Variants in TIGD6 observed in about 807,000 individuals in gnomAD.
The protein encoded by TIGD6 is tigger transposable element-derived protein 6.
TIGD6 carries 1 observed loss-of-function variant against 2.6 expected under a neutral mutation model. The ratio of observed to expected loss-of-function variants is 0.39; its 90% CI spans 0.14 to 1.85. The LOEUF (loss-of-function observed/expected upper bound fraction) is 1.85, where lower values mean the gene tolerates loss of function less well. Among genes scored for constraint, TIGD6 ranks in the 40% most tolerant of loss-of-function variants. The probability of loss-of-function intolerance (pLI) is 0.32; values close to 1 mark genes in which losing one functional copy is unlikely to be tolerated. For synonymous variants in TIGD6, 193 were observed against 221.9 expected, an observed-to-expected ratio of 0.87 and a Z score of 1.16; for missense variants, 601 against 634.2, an observed-to-expected ratio of 0.95 and a Z score of 0.56.
At position 149,994,022 on chromosome 5, in the gene TIGD6, C is replaced by A. The variant is rs983729579; in HGVS notation, c.*761G>T. The A allele has an allele frequency of 3.3e-5, 5 of 152,150 alleles. No individual in the cohort carries two copies. The highest frequency in any genetic ancestry group is 6.5e-5 in the Admixed American group (1 of 15,272). 9.4% of individuals were successfully genotyped at this position (152,150 alleles called of 1,614,324 possible). On this transcript the variant is annotated 3_prime_UTR_variant, in exon 2 of 2. Transcript: ENST00000296736. Reference sequence around the variant, plus strand: ...AGCTCTAGAGTAAGAACAGTTGATTCTTTTTTTAACAATTAGTGATGGGGG... The same window carrying A: ...AGCTCTAGAGTAAGAACAGTTGATTATTTTTTTAACAATTAGTGATGGGGG...
intron 1 of TIGD6, among the ~76,000 whole-genome samples, chr5:149,997,716 T>A (rs1423977958): frequency 1.3e-5 from 2 of 151,682 alleles, no homozygotes; most frequent in Non-Finnish European, 2.9e-5. Context: ...TCCCAGCACT[T>A]TGGGAGGCCG....
At chr5:149,997,703 T>A (rs930176785) in intron 1 of TIGD6, among the ~76,000 whole-genome samples, 3 of 151,870 alleles carry the variant, frequency 2.0e-5, no homozygotes, top group Non-Finnish European at 2.9e-5. Flanking sequence ...CTTACGCCTG[T>A]AATCCCAGCA....
intron 1 of TIGD6, among the ~76,000 whole-genome samples, chr5:149,999,444 CAT>C (rs1032987128): frequency 3.9e-5 from 6 of 152,102 alleles, no homozygotes; most frequent in Non-Finnish European, 8.8e-5. Flanking sequence ...CAGGAGTCCA[CAT>C]GAGATAATGG....
chr5:149,995,837 C>A lies in TIGD6; in HGVS notation c.512G>T (p.Ser171Ile), dbSNP rs1755371523. The A allele has an allele frequency of 6.2e-7, 1 of 1,614,218 alleles. No homozygotes were observed. The highest frequency in any genetic ancestry group is 1.1e-5 in the South Asian group (1 of 91,082). The change falls in exon 2 of 2, where the codon AGC becomes ATC. Residue 171 changes from serine to isoleucine, a missense_variant. By Grantham distance (142) the Ser-to-Ile change is moderately radical. Coordinates refer to ENST00000296736, the MANE Select transcript of TIGD6 (RefSeq NM_030953.4). ...ATCAGCATTAAAGATATCATCTGGG[C>A]TGTAGTCAGCAATCAGTTTTATAAT... Reference protein sequence around the residue: ...GEIIKLIADYSPDDIFNADET... With the variant: ...GEIIKLIADYIPDDIFNADET...
intron 1 of TIGD6, among the ~76,000 whole-genome samples, chr5:149,997,072 A>C (rs538804280): frequency 6.6e-6 from 1 of 152,412 alleles, no homozygotes; most frequent in African/African-American, 2.4e-5. Context: ...AAATATAAAA[A>C]GTAAACAGAT....
rs147509478 is a variant in TIGD6 at position 149,999,647 on chromosome 5, G to A, written c.-82+827C>T. Among the ~76,000 whole-genome samples, 7 of 152,228 alleles carry A rather than the reference G, an allele frequency of 4.6e-5. No individual in the cohort carries two copies. In the East Asian group the frequency reaches 9.7e-4, roughly 21 times the overall value. On this transcript the variant is annotated intron_variant, in intron 1 of 1. Coordinates refer to ENST00000296736, the MANE Select transcript of TIGD6 (RefSeq NM_030953.4). ...TTACTGAGGTGGGAGGATCTACTGC[G>A]TAAACCTCATTTGTTAAGCACTTTA...
chr5:149,999,999 G>C (rs112786852), intron 1 of TIGD6: 3 of 154,756 alleles, frequency 1.9e-5, no homozygotes, highest in African/African-American at 7.2e-5. Context: ...AACTACATCA[G>C]TCCAGGCAGG....
At chr5:150,000,131 A>C (rs996269798) in intron 1 of TIGD6, 1 of 154,514 alleles carries the variant, frequency 6.5e-6, no homozygotes, top group African/African-American at 2.4e-5. Context: ...CTGGAGAGAA[A>C]GGACAATCCA....
At chr5:149,999,282 G>C (rs544403092) in intron 1 of TIGD6, among the ~76,000 whole-genome samples, 2 of 152,168 alleles carry the variant, frequency 1.3e-5, no homozygotes, top group Non-Finnish European at 2.9e-5. Context: ...TTTCCTAAGA[G>C]ATGGCCTTAA....
chr5:149,995,682 T>G lies in TIGD6; in HGVS notation c.667A>C (p.Lys223Gln). Residue 223 changes from lysine to glutamine, a missense_variant, in exon 2 of 2, where the codon AAA becomes CAA. Coordinates refer to ENST00000296736, the MANE Select transcript of TIGD6 (RefSeq NM_030953.4). ...LFCCNASGTE[K>Q]MRPLIVGRSA... ...CTACCAACAATCAATGGTCTCATTTTTTCAGTCCCCGAGGCATTGCAACAA... is the reference window on the plus strand; with the variant it reads ...CTACCAACAATCAATGGTCTCATTTGTTCAGTCCCCGAGGCATTGCAACAA... 1 of 1,614,242 alleles carries G rather than the reference T, an allele frequency of 6.2e-7. No individual in the cohort carries two copies.
Position 149,995,434 on chromosome 5 carries a change from G to A in TIGD6, c.915C>T (p.Ser305=), listed in dbSNP as rs749601890. The A allele has an allele frequency of 6.2e-7, 1 of 1,614,258 alleles. No individual in the cohort carries two copies. Among genetic ancestry groups the A allele is most frequent in the East Asian group, 2.2e-5 (1 of 44,894 alleles). ...GTGGCTGCAGGACAGCAGTACAGTT[G>A]GAGGGCAGATACCCAACCTGAATCC... The part of the protein sequence containing the change: ...LERIQVGYLP[S]NCTAVLQPLN... Residue 305 remains serine (S), a synonymous_variant, in exon 2 of 2, where the codon TCC becomes TCT. Transcript: ENST00000296736.
Position 149,996,231 on chromosome 5 carries a change from T to G in TIGD6, c.118A>C (p.Thr40Pro), listed in dbSNP as rs199840476. ...AAGAATGTAGATAAAGTAGAGGGAG[T>G]GATACCAAATTCTTTTGCCACATCA... ...KGDVAKEFGI[T>P]PSTLSTFLKD... Residue 40 changes from threonine (T) to proline (P), a missense_variant, in exon 2 of 2, where the codon ACT (threonine) becomes CCT (proline). Transcript: ENST00000296736. 66 of 1,614,076 alleles carry G rather than the reference T, an allele frequency of 4.1e-5. No individual in the cohort carries two copies. The Admixed American group carries it at 8.3e-4, about 20-fold the overall frequency.
chr5:149,993,645 C>T lies in TIGD6; in HGVS notation c.*1138G>A, dbSNP rs533476435. The stretch of plus-strand genomic sequence containing the variant: ...CAGTCTGGTCTCAAACTCCTTGCCT[C>T]AAGTGATCTTCCCAATGTGCTGGGA... On this transcript the variant is annotated 3_prime_UTR_variant, in exon 2 of 2. Coordinates refer to ENST00000296736, the MANE Select transcript of TIGD6 (RefSeq NM_030953.4). 6.6e-6 allele frequency: 1 copy of T among 152,210 alleles called. No homozygotes were observed. Among genetic ancestry groups the T allele is most frequent in the East Asian group, 1.9e-4 (1 of 5,180 alleles). 9.4% of individuals were successfully genotyped at this position (152,210 alleles called of 1,614,324 possible). A position where few individuals can be genotyped will look rare whatever the true frequency, so the allele number is the denominator to read the frequency against.
Position 149,995,111 on chromosome 5 carries a change from T to C in TIGD6, c.1238A>G (p.Asn413Ser). 2 of 1,614,276 alleles carry C rather than the reference T, an allele frequency of 1.2e-6. No individual in the cohort carries two copies. The highest frequency in any genetic ancestry group is 1.7e-6 in the Non-Finnish European group (2 of 1,180,056). ...AACAAAGTCCTGGAAATTTACTTCATTTGGGACACAGGTGGCAATAGCCAC... is the reference window on the plus strand; with the variant it reads ...AACAAAGTCCTGGAAATTTACTTCACTTGGGACACAGGTGGCAATAGCCAC... ...HTVAIATCVP[N>S]EVNFQDFVTA... Residue 413 changes from asparagine to serine, a missense_variant, in exon 2 of 2, where the codon AAT (asparagine) becomes AGT (serine). Physicochemically the swap from Asn to Ser is conservative, Grantham distance 46. Coordinates refer to ENST00000296736, the MANE Select transcript of TIGD6 (RefSeq NM_030953.4).
chr5:149,999,431 AAGC>A (rs1295328365), intron 1 of TIGD6, among the ~76,000 whole-genome samples: 2 of 152,214 alleles, frequency 1.3e-5, no homozygotes, highest in African/African-American at 4.8e-5. Flanking sequence ...TCAGAGAAAA[AAGC>A]AGGAGTCCAC....
rs750291280 is a variant in TIGD6, at chr5:149,995,495, T to C, written c.854A>G (p.Asn285Ser). The change falls in exon 2 of 2, where the codon AAC (asparagine) becomes AGC (serine). Residue 285 changes from asparagine (N) to serine (S), a missense_variant. By Grantham distance (46) the Asn-to-Ser change is conservative. Transcript: ENST00000296736. ...TGGAAGCATGTTATGAGCAGAGCAG[T>C]TGTCTATGAGCAAGAGGATCCGGCG... is the stretch of plus-strand genomic sequence containing the variant. ...AERRILLLID[N>S]CSAHNMLPHL... is the part of the protein sequence containing the mutation. 1 of 1,614,242 alleles carries C rather than the reference T, an allele frequency of 6.2e-7. No individual in the cohort carries two copies. The highest frequency in any genetic ancestry group is 1.7e-5 in the Admixed American group (1 of 60,034).
At chr5:149,997,209 T>C (rs572772238) in intron 1 of TIGD6, among the ~76,000 whole-genome samples, 1 of 152,240 alleles carries the variant, frequency 6.6e-6, no homozygotes, top group Admixed American at 6.5e-5. Context: ...GAAGCTGAGA[T>C]CTCCAAGAAT....
In TIGD6 at chr5:149,996,522, A is replaced by G. The variant is rs946563180; in HGVS notation, c.-81-93T>C. The G allele has an allele frequency of 1.8e-5, 16 of 886,432 alleles. No individual in the cohort carries two copies. In the African/African-American group the frequency reaches 2.7e-4, roughly 15 times the overall value. The allele number at this position is 886,432 out of a possible 1,614,324, so 54.9% of individuals were successfully genotyped here. A position where few individuals can be genotyped will look rare whatever the true frequency, so the allele number is the denominator to read the frequency against. ...TTACAAATTGTATTAGGAAAGGACA[A>G]TTTACAGTCAAAGTAAAGAAAAGAT... On this transcript the variant is annotated intron_variant, in intron 1 of 1. Transcript: ENST00000296736.
rs1269974547 is a variant in TIGD6 at position 149,995,629 on chromosome 5, G to T, written c.720C>A (p.Asn240Lys). Residue 240 changes from asparagine (N) to lysine (K), a missense_variant, in exon 2 of 2, where the codon AAC becomes AAA. Coordinates refer to ENST00000296736, the MANE Select transcript of TIGD6 (RefSeq NM_030953.4). The part of the protein sequence containing the change: ...GRSASPHCLK[N>K]IHSLPCDYRA... ...GGTAATCACAAGGGAGGGAATGAAT[G>T]TTCTTGAGGCAGTGTGGGCTGGCTG... 6.2e-7 allele frequency: 1 copy of T among 1,614,120 alleles called. No individual in the cohort carries two copies. Among genetic ancestry groups the T allele is most frequent in the Non-Finnish European group, 8.5e-7 (1 of 1,180,056 alleles).
Sources: gnomAD v4.1 joint callset for allele counts (sites outside exome capture counted in the v4.1 genomes callset) on GRCh38, gnomAD v4.1.1 for gene constraint, MANE v1.5 for transcripts, NCBI Gene and HGNC (gene_info 2026-07-23, HGNC 2026-07-21) for gene names.